OTOGL: variants seen among roughly 807,000 people sequenced by gnomAD.
The protein encoded by OTOGL is otogelin-like protein.
OTOGL carries 285 observed loss-of-function variants against 318.5 expected under a neutral mutation model. That is an observed-to-expected ratio of 0.89 (90% CI 0.81 to 0.99). The LOEUF is 0.99. Among genes scored for constraint, OTOGL ranks in the 50% least tolerant of loss-of-function variants. The pLI is 0.00. For missense variants in OTOGL, 2,899 were observed against 2,845.6 expected (o/e 1.02, Z -0.43); for synonymous variants, 987 against 936.5 (o/e 1.05, Z -0.99).
intron 1 of OTOGL, among the ~76,000 whole-genome samples, chr12:80,153,579 A>T (rs563109771): frequency 4.5e-4 from 68 of 152,306 alleles, no homozygotes; most frequent in South Asian, 1.9e-3. Flanking sequence ...CATAATTTAC[A>T]TTAGAGTTCA....
At chr12:80,260,462 C>G (rs1355380583) in intron 18 of OTOGL, among the ~76,000 whole-genome samples, 1 of 151,962 alleles carries the variant, frequency 6.6e-6, no homozygotes, top group African/African-American at 2.4e-5. Context: ...GGCACCAGTC[C>G]CCGCCACGTG....
intron 11 of OTOGL, 133 bp downstream of exon 11, chr12:80,239,572 G>A: frequency 1.7e-6 from 1 of 601,848 alleles, no homozygotes. Context: ...ACTGCAAACA[G>A]CTATTAAAAG....
intron 1 of OTOGL, chr12:80,103,219 T>G (rs1201841409): frequency 3.5e-6 from 5 of 1,448,586 alleles, no homozygotes; most frequent in Non-Finnish European, 4.8e-6. Flanking sequence ...TACTTCTGTC[T>G]CAGCTCTTTG....
chr12:80,200,052 A>G (rs1254924818), intron 1 of OTOGL, among the ~76,000 whole-genome samples: 1 of 152,202 alleles, frequency 6.6e-6, no homozygotes, highest in African/African-American at 2.4e-5. Flanking sequence ...TGGCATCATC[A>G]TTATCATCAT....
At chr12:80,242,821 A>G (rs1592595359) in intron 11 of OTOGL, among the ~76,000 whole-genome samples, 3 of 152,236 alleles carry the variant, frequency 2.0e-5, no homozygotes, top group Non-Finnish European at 4.4e-5. Flanking sequence ...AGTGCTTTAA[A>G]TGTAGAGGAC....
chr12:80,120,701 G>T (rs1257213103), intron 1 of OTOGL, among the ~76,000 whole-genome samples: 2 of 152,144 alleles, frequency 1.3e-5, no homozygotes, highest in Non-Finnish European at 2.9e-5. Flanking sequence ...GCGGTAAGCT[G>T]ACTTGTTAAA....
intron 22 of OTOGL, among the ~76,000 whole-genome samples, chr12:80,268,264 C>T (rs1206421632): frequency 1.3e-5 from 2 of 152,090 alleles, no homozygotes; most frequent in Non-Finnish European, 2.9e-5. Flanking sequence ...TTGTTTTGTG[C>T]TGGCACCATT....
At position 80,211,977 on chromosome 12, in the gene OTOGL, A is replaced by G; in HGVS notation, c.148A>G (p.Arg50Gly). 2.5e-6 allele frequency: 4 copies of G among 1,578,086 alleles called. No individual in the cohort carries two copies. The highest frequency in any genetic ancestry group is 3.4e-6 in the Non-Finnish European group (4 of 1,168,698). ...CGGGTTTAATGAAAATCGACAGAAAAGAGCTCTTTTAGCAGCACAGGTAGG... is the reference window on the plus strand; with the variant it reads ...CGGGTTTAATGAAAATCGACAGAAAGGAGCTCTTTTAGCAGCACAGGTAGG... The part of the protein sequence containing the change: ...KNGFNENRQK[R>G]ALLAAQFEAT... The change falls in exon 4 of 59, where the codon AGA becomes GGA. Residue 50 changes from arginine to glycine, a missense_variant. Physicochemically the swap from Arg to Gly is moderately radical, Grantham distance 125. Transcript: ENST00000547103.
At chr12:80,260,607 C>T (rs534496842) in intron 18 of OTOGL, among the ~76,000 whole-genome samples, 18 of 152,154 alleles carry the variant, frequency 1.2e-4, no homozygotes, top group Admixed American at 7.2e-4. Context: ...GCAGACATTG[C>T]GGAATAGAAA....
At chr12:80,179,662 T>C (rs80205395) in intron 1 of OTOGL, among the ~76,000 whole-genome samples, 234 of 152,280 alleles carry the variant, frequency 1.5e-3, no homozygotes, top group African/African-American at 5.3e-3. Flanking sequence ...GGACAGACCA[T>C]TGGTGTTGGC....
In OTOGL at chr12:80,159,861, C is replaced by T. The variant is rs867450934; in HGVS notation, c.-19-49552C>T. On this transcript the variant is annotated intron_variant, in intron 1 of 58. Coordinates refer to ENST00000547103, the MANE Select transcript of OTOGL (RefSeq NM_001378609.3). ...CTGACTTCAAACTATACTATAAGGC[C>T]ATAGTCACCAAAACAGCGTGGTACT... 3.4e-4 allele frequency among the ~76,000 whole-genome samples: 52 copies of T among 152,002 alleles called. No homozygotes were observed. In the Middle Eastern group the frequency reaches 0.01, roughly 30 times the overall value.
intron 32 of OTOGL, among the ~76,000 whole-genome samples, chr12:80,315,810 G>A (rs1886933487): frequency 6.6e-6 from 1 of 152,110 alleles, no homozygotes; most frequent in South Asian, 2.1e-4. Context: ...AATATCTGTG[G>A]TAGTTAAAGA....
chr12:80,108,813 GTGTATATATA>G (rs1869626783), intron 1 of OTOGL, among the ~76,000 whole-genome samples: 1 of 134,148 alleles, frequency 7.5e-6, no homozygotes, highest in Non-Finnish European at 1.6e-5. Context: ...ATATATATAT[GTGTATATATA>G]TGTATATATA....
At chr12:80,361,654 C>T (rs1158180826) in intron 52 of OTOGL, among the ~76,000 whole-genome samples, 1 of 152,022 alleles carries the variant, frequency 6.6e-6, no homozygotes, top group Non-Finnish European at 1.5e-5. Flanking sequence ...TATCTTTTGT[C>T]TTCTTGATAA....
chr12:80,137,880 T>C (rs571802600), intron 1 of OTOGL, among the ~76,000 whole-genome samples: 1 of 152,272 alleles, frequency 6.6e-6, no homozygotes, highest in African/African-American at 2.4e-5. Flanking sequence ...TTGATAAAAA[T>C]GGAGCTCTAA....
chr12:80,253,492 A>T lies in OTOGL; in HGVS notation c.1312A>T (p.Ile438Phe). Residue 438 changes from isoleucine to phenylalanine, a missense_variant, in exon 14 of 59, where the codon ATC becomes TTC. Coordinates refer to ENST00000547103, the MANE Select transcript of OTOGL (RefSeq NM_001378609.3). ...DGLVMDNGTC[I>F]SLENCPCGFH... ...CCTCGTAATGGACAATGGGACTTGC[A>T]TCTCCTTGGAAAATTGCCCATGCGG... The T allele has an allele frequency of 6.2e-7, 1 of 1,613,304 alleles. No individual in the cohort carries two copies. Among genetic ancestry groups the T allele is most frequent in the Non-Finnish European group, 8.5e-7 (1 of 1,179,358 alleles).
At chr12:80,296,204 C>G (rs1341869638) in intron 26 of OTOGL, among the ~76,000 whole-genome samples, 1 of 152,172 alleles carries the variant, frequency 6.6e-6, no homozygotes, top group East Asian at 1.9e-4. Flanking sequence ...AACTCTGATC[C>G]TCCTCTTAAT....
At chr12:80,262,577 C>T (rs1252183609) in intron 19 of OTOGL, among the ~76,000 whole-genome samples, 1 of 152,046 alleles carries the variant, frequency 6.6e-6, no homozygotes, top group Non-Finnish European at 1.5e-5. Context: ...GGCTTTGTGC[C>T]ATTGAGTGGG....
At chr12:80,345,294 G>T (rs1592735355) in intron 44 of OTOGL, among the ~76,000 whole-genome samples, 1 of 145,796 alleles carries the variant, frequency 6.9e-6, no homozygotes, top group South Asian at 2.1e-4. Context: ...CCAGTACAGT[G>T]GCATGATCTC....
Sources: allele counts gnomAD v4.1 joint callset (sites outside exome capture counted in the v4.1 genomes callset), GRCh38; gene constraint gnomAD v4.1.1; transcripts MANE v1.5; gene names NCBI Gene and HGNC (gene_info 2026-07-23, HGNC 2026-07-21).